IQGAP2: variants seen among roughly 807,000 people sequenced by gnomAD.
The protein encoded by IQGAP2 is ras GTPase-activating-like protein IQGAP2.
IQGAP2 carries 173 observed loss-of-function variants against 201.3 expected under a neutral mutation model. That is an observed-to-expected ratio of 0.86 (90% confidence interval 0.76 to 0.98). IQGAP2 has a LOEUF of 0.98. IQGAP2 is among the 50% of genes least tolerant of loss of function. The pLI is 0.00. For synonymous variants in IQGAP2, 675 were observed against 673.9 expected, an observed-to-expected ratio of 1.00 and a Z score of -0.03; for missense variants, 1,687 against 1,864.8, an observed-to-expected ratio of 0.90 and a Z score of 1.76.
In IQGAP2 at chr5:76,658,662, C is replaced by T; in HGVS notation, c.2524C>T (p.Leu842=). ...ACTGCTGGTGAAGAACAGGATCACA[C>T]TAGAGGTCAGTGGGGTTTTTGGGAC... ...IGLLVKNRIT[L]EDVISHSKKL... is the part of the protein sequence containing the mutation. Residue 842 remains leucine (L), a synonymous_variant, in exon 21 of 36, where the codon CTA becomes TTA. Transcript: ENST00000274364. 1 of 1,613,670 alleles carries T rather than the reference C, an allele frequency of 6.2e-7. No individual in the cohort carries two copies. Among genetic ancestry groups the T allele is most frequent in the Non-Finnish European group, 8.5e-7 (1 of 1,179,804 alleles).
At chr5:76,456,432 A>G (rs1002123893) in intron 1 of IQGAP2, among the ~76,000 whole-genome samples, 1 of 152,236 alleles carries the variant, frequency 6.6e-6, no homozygotes, top group African/African-American at 2.4e-5. Flanking sequence ...GGAAGCTGGT[A>G]TGAAGCAGGA....
chr5:76,635,653 G>A (rs530141109), intron 15 of IQGAP2, among the ~76,000 whole-genome samples: 1 of 152,164 alleles, frequency 6.6e-6, no homozygotes, highest in African/African-American at 2.4e-5. Flanking sequence ...AAACAGCCTG[G>A]ACAACATGGC....
At chr5:76,549,241 CAG>C (rs911287438) in intron 2 of IQGAP2, among the ~76,000 whole-genome samples, 10 of 152,018 alleles carry the variant, frequency 6.6e-5, no homozygotes, top group Admixed American at 5.9e-4. Context: ...GAAACAGACT[CAG>C]ATTAATTCAG....
intron 27 of IQGAP2, among the ~76,000 whole-genome samples, chr5:76,675,840 A>C (rs2150496146): frequency 6.6e-6 from 1 of 150,904 alleles, no homozygotes; most frequent in East Asian, 1.9e-4. Flanking sequence ...TTGATTTTTC[A>C]AGCTAATTTT....
chr5:76,611,553 T>G (rs1748415940), intron 13 of IQGAP2, among the ~76,000 whole-genome samples: 1 of 152,230 alleles, frequency 6.6e-6, no homozygotes, highest in African/African-American at 2.4e-5. Context: ...TTCTCTGACC[T>G]TATCTTCAAA....
In IQGAP2 at chr5:76,622,979, G is replaced by A. The variant is rs552674318; in HGVS notation, c.1522-4431G>A. 1.1e-4 allele frequency among the ~76,000 whole-genome samples: 17 copies of A among 152,328 alleles called. 1 individual carries two copies. In the South Asian group the frequency reaches 3.3e-3, roughly 30 times the overall value. On this transcript the variant is annotated intron_variant, in intron 13 of 35. Transcript: ENST00000274364. Reference sequence around the variant, plus strand: ...CATCAGGAGGGAACACTTAGTCTATGACCAGGTTTGAATAGAGTGAATGAA... The same window carrying A: ...CATCAGGAGGGAACACTTAGTCTATAACCAGGTTTGAATAGAGTGAATGAA...
At chr5:76,533,036 G>A (rs1211346146) in intron 2 of IQGAP2, among the ~76,000 whole-genome samples, 1 of 152,252 alleles carries the variant, frequency 6.6e-6, no homozygotes, top group African/African-American at 2.4e-5. Context: ...AATGGGAAGA[G>A]GGTGCTGAAT....
chr5:76,628,070 A>G (rs765592787), intron 14 of IQGAP2, among the ~76,000 whole-genome samples: 8 of 152,132 alleles, frequency 5.3e-5, no homozygotes, highest in Admixed American at 3.3e-4. Context: ...CAAACCCAGA[A>G]CCCCTCAAAT....
At position 76,514,560 on chromosome 5, in the gene IQGAP2, G is replaced by A. The variant is rs1174800281; in HGVS notation, c.147-47836G>A. Among the ~76,000 whole-genome samples, 6 of 152,208 alleles carry A rather than the reference G, an allele frequency of 3.9e-5. No homozygotes were observed. In the East Asian group the frequency reaches 1.2e-3, roughly 29 times the overall value. ...GGAGTCCTGAGTCTATCATTCCCCT[G>A]GGGAAAAACCTTTGTTCATGCTACT... is the stretch of plus-strand genomic sequence containing the variant. On this transcript the variant is annotated intron_variant, in intron 2 of 35. Coordinates refer to ENST00000274364, the MANE Select transcript of IQGAP2 (RefSeq NM_006633.5).
intron 21 of IQGAP2, among the ~76,000 whole-genome samples, chr5:76,662,961 A>G (rs1013097333): frequency 3.9e-5 from 6 of 152,220 alleles, no homozygotes; most frequent in African/African-American, 1.2e-4. Context: ...GAATAAAATC[A>G]TGGACCTGGA....
At chr5:76,515,691 C>G (rs896871878) in intron 2 of IQGAP2, among the ~76,000 whole-genome samples, 3 of 152,034 alleles carry the variant, frequency 2.0e-5, no homozygotes, top group Non-Finnish European at 4.4e-5. Context: ...TGAGAGATGT[C>G]CAGATGTGAA....
chr5:76,583,542 A>G (rs531008275), intron 5 of IQGAP2, among the ~76,000 whole-genome samples: 3 of 152,324 alleles, frequency 2.0e-5, no homozygotes, highest in Admixed American at 2.0e-4. Flanking sequence ...ATATATGCAA[A>G]TGAGATCTTT....
intron 2 of IQGAP2, among the ~76,000 whole-genome samples, chr5:76,495,158 A>G (rs1756808782): frequency 6.6e-6 from 1 of 152,228 alleles, no homozygotes; most frequent in South Asian, 2.1e-4. Flanking sequence ...TAGATATACA[A>G]TATATCTATG....
At chr5:76,589,976 C>A (rs999167608) in intron 7 of IQGAP2, among the ~76,000 whole-genome samples, 5 of 152,168 alleles carry the variant, frequency 3.3e-5, no homozygotes, top group African/African-American at 1.2e-4. Flanking sequence ...GTCCATAGTT[C>A]TCTACTTTCT....
At chr5:76,642,227 T>C (rs1416131845) in intron 17 of IQGAP2, among the ~76,000 whole-genome samples, 1 of 152,042 alleles carries the variant, frequency 6.6e-6, no homozygotes, top group Non-Finnish European at 1.5e-5. Flanking sequence ...TCAGCCAATA[T>C]AAAATTGGGA....
intron 20 of IQGAP2, among the ~76,000 whole-genome samples, chr5:76,656,433 G>A (rs1742721769): frequency 6.6e-6 from 1 of 151,812 alleles, no homozygotes; most frequent in Non-Finnish European, 1.5e-5. Context: ...CGCCCGCCTC[G>A]GCCTCCCAAA....
At chr5:76,591,823 CAG>C (rs1442742344) in intron 8 of IQGAP2, among the ~76,000 whole-genome samples, 4 of 152,184 alleles carry the variant, frequency 2.6e-5, no homozygotes, top group African/African-American at 9.7e-5. Flanking sequence ...CCTCCTTCTC[CAG>C]ATAACTTTGT....
chr5:76,428,447 T>C (rs1354693964), intron 1 of IQGAP2, among the ~76,000 whole-genome samples: 2 of 150,534 alleles, frequency 1.3e-5, no homozygotes, highest in East Asian at 1.9e-4. Flanking sequence ...CTTTTTTTTT[T>C]TTTTTTTGAG....
At chr5:76,475,911 A>G (rs1468586105) in intron 2 of IQGAP2, among the ~76,000 whole-genome samples, 1 of 152,124 alleles carries the variant, frequency 6.6e-6, no homozygotes, top group African/African-American at 2.4e-5. Flanking sequence ...CAGGGTGTTC[A>G]TGAGAGTATT....
Sources: allele counts gnomAD v4.1 joint callset (sites outside exome capture counted in the v4.1 genomes callset), GRCh38; gene constraint gnomAD v4.1.1; transcripts MANE v1.5; gene names NCBI Gene and HGNC (gene_info 2026-07-23, HGNC 2026-07-21).